The following PHYHIPL variants were observed in gnomAD, a reference collection of about 807,000 sequenced individuals.
PHYHIPL encodes phytanoyl-CoA hydroxylase-interacting protein-like.
PHYHIPL carries 9 observed loss-of-function variants against 33.4 expected under a neutral mutation model. The ratio of observed to expected loss-of-function variants is 0.27; its 90% CI spans 0.16 to 0.47. The LOEUF (loss-of-function observed/expected upper bound fraction) is 0.47, where lower values mean the gene tolerates loss of function less well. Ranked by LOEUF, PHYHIPL falls within the 20% of genes least tolerant of loss-of-function variation. The pLI is 0.99. For missense variants in PHYHIPL, 365 were observed against 460.7 expected (o/e 0.79, Z 1.90); for synonymous variants, 153 against 154.1 (o/e 0.99, Z 0.05).
At chr10:59,177,034 C>G (rs973139503) in intron 1 of PHYHIPL, 75 bp downstream of exon 1, 1 of 1,305,806 alleles carries the variant, frequency 7.7e-7, no homozygotes, top group African/African-American at 1.5e-5. Flanking sequence ...GCTCCGCCGA[C>G]GCCGCTCGCC....
At chr10:59,224,496 A>AAAACAAAAC (rs370381201) in intron 1 of PHYHIPL, among the ~76,000 whole-genome samples, 1 of 52,428 alleles carries the variant, frequency 1.9e-5, no homozygotes, top group Non-Finnish European at 5.8e-5. Context: ...AAAACAAAAC[A>AAAACAAAAC]AAAAACAAAA....
intron 1 of PHYHIPL, among the ~76,000 whole-genome samples, chr10:59,193,459 A>G (rs1169975078): frequency 6.6e-6 from 1 of 152,194 alleles, no homozygotes; most frequent in African/African-American, 2.4e-5. Flanking sequence ...AAACAGTGAC[A>G]GTGAAGCCTA....
chr10:59,210,298 T>A (rs995426511), intron 1 of PHYHIPL, among the ~76,000 whole-genome samples: 2 of 152,066 alleles, frequency 1.3e-5, no homozygotes, highest in African/African-American at 2.4e-5. Flanking sequence ...AAAAAGACAT[T>A]TATGCAGCCA....
rs565000431 is a variant in PHYHIPL, at chr10:59,203,658, A to G, written c.106+26699A>G. ...TGGAAACCATCATTCTGAGCAAACTATCGCAAGGACAGAAAGCCAAACACC... is the reference window on the plus strand; with the variant it reads ...TGGAAACCATCATTCTGAGCAAACTGTCGCAAGGACAGAAAGCCAAACACC... On this transcript the variant is annotated intron_variant, in intron 1 of 4. Coordinates refer to ENST00000373880, the MANE Select transcript of PHYHIPL (RefSeq NM_032439.4). Among the ~76,000 whole-genome samples, 138 of 152,082 alleles carry G rather than the reference A, an allele frequency of 9.1e-4. 3 individuals are homozygous for G. The highest frequency in any genetic ancestry group is 1.4e-3 in the Non-Finnish European group (93 of 68,010).
At chr10:59,238,202 C>T (rs1840284016) in intron 3 of PHYHIPL, among the ~76,000 whole-genome samples, 1 of 151,866 alleles carries the variant, frequency 6.6e-6, no homozygotes, top group Non-Finnish European at 1.5e-5. Flanking sequence ...TTTTGCTGTC[C>T]AACTTTTCTA....
At chr10:59,229,961 T>C (rs1840030287) in intron 1 of PHYHIPL, among the ~76,000 whole-genome samples, 1 of 152,222 alleles carries the variant, frequency 6.6e-6, no homozygotes, top group South Asian at 2.1e-4. Context: ...CCATATTTAG[T>C]TTGCTTTAAC....
At chr10:59,202,206 G>A (rs775676365) in intron 1 of PHYHIPL, among the ~76,000 whole-genome samples, 2 of 152,044 alleles carry the variant, frequency 1.3e-5, no homozygotes, top group African/African-American at 2.4e-5. Flanking sequence ...TCCCAAAGGA[G>A]TGGGGGTTGA....
intron 3 of PHYHIPL, 118 bp downstream of exon 3, chr10:59,236,775 C>T (rs750403620): frequency 3.0e-5 from 25 of 826,344 alleles, no homozygotes; most frequent in East Asian, 1.8e-4. Context: ...TCATTTTTTG[C>T]GTTGTCAGTA....
Position 59,245,162 on chromosome 10 carries a change from T to G in PHYHIPL, c.702T>G (p.Thr234=). Residue 234 remains threonine (T), a synonymous_variant, in exon 5 of 5, where the codon ACT becomes ACG. Coordinates refer to ENST00000373880, the MANE Select transcript of PHYHIPL (RefSeq NM_032439.4). ...AAGGCATCTTCTTCAGCTGCAGCAC[T>G]GAATTCAATACTGGAAAGCCACCCC... ...KLEGIFFSCS[T]EFNTGKPPQD... 1 of 1,614,150 alleles carries G rather than the reference T, an allele frequency of 6.2e-7. No individual in the cohort carries two copies. The highest frequency in any genetic ancestry group is 8.5e-7 in the Non-Finnish European group (1 of 1,180,022).
intron 4 of PHYHIPL, among the ~76,000 whole-genome samples, chr10:59,242,880 G>A (rs1315784067): frequency 2.6e-5 from 4 of 152,032 alleles, no homozygotes; most frequent in Non-Finnish European, 5.9e-5. Flanking sequence ...AAAACTCACC[G>A]AAAAATATAT....
In PHYHIPL at chr10:59,176,719, G is replaced by A. The variant is rs1276726221; in HGVS notation, c.-135G>A. ...CTCTCCAGCCCCGCGCCTCAGCCTC[G>A]GCGCCGCATCACCGCGTCCCAGGCC... On this transcript the variant is annotated 5_prime_UTR_variant, in exon 1 of 5. Coordinates refer to ENST00000373880, the MANE Select transcript of PHYHIPL (RefSeq NM_032439.4). The A allele has an allele frequency of 2.3e-5, 18 of 770,696 alleles. No individual in the cohort carries two copies. Among genetic ancestry groups the A allele is most frequent in the Non-Finnish European group, 3.4e-5 (17 of 495,800 alleles). 47.7% of individuals were successfully genotyped at this position (770,696 alleles called of 1,614,324 possible).
At chr10:59,227,629 A>G (rs766634230) in intron 1 of PHYHIPL, among the ~76,000 whole-genome samples, 13 of 152,210 alleles carry the variant, frequency 8.5e-5, no homozygotes, top group Non-Finnish European at 1.5e-4. Flanking sequence ...TCAAGTACAT[A>G]TACCTCACAC....
At chr10:59,219,250 G>A in intron 1 of PHYHIPL, 1 of 935,018 alleles carries the variant, frequency 1.1e-6, no homozygotes, top group Middle Eastern at 5.5e-4. Flanking sequence ...AGCCAAAGAA[G>A]TAGAGTTAGG....
intron 1 of PHYHIPL, among the ~76,000 whole-genome samples, chr10:59,186,802 T>C (rs1208756307): frequency 6.6e-6 from 1 of 152,178 alleles, no homozygotes; most frequent in Non-Finnish European, 1.5e-5. Flanking sequence ...GTGATTTTTG[T>C]ACATTGATTT....
At chr10:59,223,302 A>G (rs1391244913) in intron 1 of PHYHIPL, among the ~76,000 whole-genome samples, 1 of 152,236 alleles carries the variant, frequency 6.6e-6, no homozygotes, top group African/African-American at 2.4e-5. Context: ...TTCTTGGATC[A>G]GTCTTGCAAT....
chr10:59,202,584 G>T (rs140998491), intron 1 of PHYHIPL, among the ~76,000 whole-genome samples: 177 of 152,168 alleles, frequency 1.2e-3, no homozygotes, highest in Admixed American at 2.1e-3. Context: ...ATACCATTTT[G>T]GTGTGCTTAT....
chr10:59,213,064 C>T (rs1033485572), intron 1 of PHYHIPL, among the ~76,000 whole-genome samples: 1 of 152,036 alleles, frequency 6.6e-6, no homozygotes, highest in Non-Finnish European at 1.5e-5. Context: ...GGCAGACATA[C>T]TCTGTATATG....
At chr10:59,183,789 G>A in intron 1 of PHYHIPL, 1 of 445,562 alleles carries the variant, frequency 2.2e-6, no homozygotes, top group African/African-American at 2.2e-5. Flanking sequence ...TGGGGATTGT[G>A]CATATACACC....
intron 1 of PHYHIPL, among the ~76,000 whole-genome samples, chr10:59,194,479 A>G (rs1178230283): frequency 6.6e-6 from 1 of 152,186 alleles, no homozygotes; most frequent in Admixed American, 6.5e-5. Flanking sequence ...GAATGCATGC[A>G]TAGTGCTATT....
Sources: allele counts gnomAD v4.1 joint callset (sites outside exome capture counted in the v4.1 genomes callset), GRCh38; gene constraint gnomAD v4.1.1; transcripts MANE v1.5; gene names NCBI Gene and HGNC (gene_info 2026-07-23, HGNC 2026-07-21).